The following CHRNA2 variants were observed in gnomAD, a reference collection of about 807,000 sequenced individuals.
CHRNA2 encodes neuronal acetylcholine receptor subunit alpha-2.
Under a neutral mutation model 45.5 loss-of-function variants are expected in CHRNA2, and 40 were observed. That is an observed-to-expected ratio of 0.88 (90% CI 0.68 to 1.15). The LOEUF (loss-of-function observed/expected upper bound fraction) is 1.15. Among genes scored for constraint, CHRNA2 ranks in the 50% most tolerant of loss-of-function variants. CHRNA2 has a pLI of 0.00. For synonymous variants in CHRNA2, 301 were observed against 296.7 expected (o/e 1.01, Z -0.15); for missense variants, 655 against 701.7 (o/e 0.93, Z 0.75).
rs906377558 is a variant in CHRNA2, at chr8:27,471,241, T to C, written c.-136-47A>G. 8 of 609,684 alleles carry C rather than the reference T, an allele frequency of 1.3e-5. No homozygotes were observed. The South Asian group carries it at 1.5e-4, about 11-fold the overall frequency. 37.8% of individuals were successfully genotyped at this position (609,684 alleles called of 1,614,324 possible). Reference sequence around the variant, plus strand: ...CTCTTAGGGTCATGCATCCTTGACATAGGCATATTTCTGTTTCTCATGCTC... The same window carrying C: ...CTCTTAGGGTCATGCATCCTTGACACAGGCATATTTCTGTTTCTCATGCTC... On this transcript the variant is annotated intron_variant, in intron 1 of 6. Transcript: ENST00000407991.
chr8:27,472,638 C>T (rs938873001), intron 1 of CHRNA2, among the ~76,000 whole-genome samples: 1 of 152,148 alleles, frequency 6.6e-6, no homozygotes, highest in Non-Finnish European at 1.5e-5. Flanking sequence ...TTAGTGGTTG[C>T]AGGGGCAGCG....
In CHRNA2 at chr8:27,463,230, C is replaced by T. The variant is rs1563317497; in HGVS notation, c.1213G>A (p.Glu405Lys). The T allele has an allele frequency of 1.3e-6, 2 of 1,592,534 alleles. No homozygotes were observed. Among genetic ancestry groups the T allele is most frequent in the Middle Eastern group, 1.7e-4 (1 of 5,958 alleles). ...CTCTCCTCGGCATCCACGTTGCTCT[C>T]CAGCCAGTGATAAGAGGGGCTGAGC... Reference protein sequence around the residue: ...LKLSPSYHWLESNVDAEEREV... With the variant: ...LKLSPSYHWLKSNVDAEEREV... Residue 405 changes from glutamate (E) to lysine (K), a missense_variant, in exon 6 of 7, where the codon GAG becomes AAG. Glu to Lys is a moderately conservative substitution (Grantham distance 56). Around this residue, in one of 3 missense-constraint regions of CHRNA2, gnomAD observed 295 missense variants for 280.4 expected, o/e 1.05. Transcript: ENST00000407991. This position sits in a 1 kb window ranked among gnomAD's most constrained non-coding sequence, Gnocchi z 6.1.
At chr8:27,473,168 G>A (rs1478431196) in intron 1 of CHRNA2, among the ~76,000 whole-genome samples, 1 of 152,012 alleles carries the variant, frequency 6.6e-6, no homozygotes, top group African/African-American at 2.4e-5. Flanking sequence ...GGAGAGAAGA[G>A]CATGGCCTCA....
At chr8:27,470,142 C>G (rs1586399852) in intron 2 of CHRNA2, 161 bp from the exon 3 acceptor site, 4 of 737,880 alleles carry the variant, frequency 5.4e-6, no homozygotes, top group Non-Finnish European at 7.0e-6. Flanking sequence ...GGGGTCGGAG[C>G]TCAGGAAAGG....
intron 1 of CHRNA2, among the ~76,000 whole-genome samples, chr8:27,473,256 T>G (rs1812946570): frequency 6.6e-6 from 1 of 152,152 alleles, no homozygotes; most frequent in African/African-American, 2.4e-5. Flanking sequence ...CAGGATTTCC[T>G]TTGGAAGGGT....
chr8:27,469,054 A>G (rs1329548719), intron 4 of CHRNA2, among the ~76,000 whole-genome samples: 1 of 152,184 alleles, frequency 6.6e-6, no homozygotes, highest in African/African-American at 2.4e-5. Flanking sequence ...AGGATTCCGA[A>G]GTAGCAGGGA....
chr8:27,466,629 G>A (rs1431592425), intron 5 of CHRNA2, among the ~76,000 whole-genome samples: 1 of 152,164 alleles, frequency 6.6e-6, no homozygotes, highest in Non-Finnish European at 1.5e-5. Flanking sequence ...GGGAAGAATT[G>A]TCTGATACCA....
intron 6 of CHRNA2, among the ~76,000 whole-genome samples, chr8:27,462,058 C>T (rs914333631): frequency 8.5e-5 from 13 of 152,178 alleles, no homozygotes; most frequent in Admixed American, 5.2e-4. Context: ...GGAGGCGGCA[C>T]GACCACCCAG....
chr8:27,469,476 G>C, intron 3 of CHRNA2, 97 bp from the exon 4 acceptor site: 1 of 1,323,466 alleles, frequency 7.6e-7, no homozygotes, highest in Non-Finnish European at 1.1e-6. Context: ...CCTCTGATAG[G>C]ACACCCCAAG....
chr8:27,467,102 A>C, intron 5 of CHRNA2, 127 bp downstream of exon 5: 1 of 718,236 alleles, frequency 1.4e-6, no homozygotes, highest in South Asian at 1.5e-5. Context: ...TAGGGGAGGC[A>C]TGCTCAGCAC....
chr8:27,472,508 C>T (rs549726146), intron 1 of CHRNA2, among the ~76,000 whole-genome samples: 18 of 152,250 alleles, frequency 1.2e-4, no homozygotes, highest in African/African-American at 3.1e-4. Context: ...AGAAGTCTTC[C>T]GTGTTGATTG....
chr8:27,469,699 G>A (rs1466121011), intron 3 of CHRNA2, 62 bp downstream of exon 3: 25 of 1,589,000 alleles, frequency 1.6e-5, no homozygotes, highest in Non-Finnish European at 1.9e-5. Context: ...AAGGAGCAGG[G>A]GGAAAGCGGT....
At chr8:27,471,431 G>T (rs1812880085) in intron 1 of CHRNA2, among the ~76,000 whole-genome samples, 1 of 152,194 alleles carries the variant, frequency 6.6e-6, no homozygotes, top group South Asian at 2.1e-4. Flanking sequence ...GCAAAGGAGG[G>T]CACAGGATGG....
chr8:27,474,859 C>T (rs763865841), intron 1 of CHRNA2, among the ~76,000 whole-genome samples: 3 of 152,262 alleles, frequency 2.0e-5, no homozygotes, highest in Non-Finnish European at 2.9e-5. Context: ...ACCGCAGTGG[C>T]AAGGTCTGGG....
At chr8:27,471,752 T>C (rs981852517) in intron 1 of CHRNA2, among the ~76,000 whole-genome samples, 11 of 152,242 alleles carry the variant, frequency 7.2e-5, no homozygotes, top group African/African-American at 1.9e-4. Flanking sequence ...GAAGGTGATA[T>C]TGTAAAAAAT....
At chr8:27,472,038 C>T (rs539430588) in intron 1 of CHRNA2, among the ~76,000 whole-genome samples, 123 of 152,292 alleles carry the variant, frequency 8.1e-4, no homozygotes, top group Middle Eastern at 3.4e-3. Context: ...CATAAAACCC[C>T]GAAAGGACAG....
Position 27,469,258 on chromosome 8 carries a change from C to T in CHRNA2, c.339+77G>A, listed in dbSNP as rs968216005. The T allele has an allele frequency of 7.9e-6, 11 of 1,389,156 alleles. No individual in the cohort carries two copies. In the Admixed American group the frequency reaches 1.4e-4, roughly 17 times the overall value. 86.1% of individuals were successfully genotyped at this position (1,389,156 alleles called of 1,614,324 possible). ...TTGCTGTTCCTTGGTCTTTCACTAG[C>T]GAAGAAGTCCTGGAGGGGTCTGGGG... On this transcript the variant is annotated intron_variant, in intron 4 of 6. Transcript: ENST00000407991.
rs1005141006 is a variant in CHRNA2 at position 27,471,117 on chromosome 8, C to T, written c.-59G>A. The T allele has an allele frequency of 2.4e-5, 36 of 1,482,750 alleles. No homozygotes were observed. The highest frequency in any genetic ancestry group is 1.4e-4 in the South Asian group (12 of 87,782). The allele number at this position is 1,482,750 out of a possible 1,614,324, so 91.8% of individuals were successfully genotyped here. ...GCTTTGCTGTGGGTTGCACCATGGA[C>T]CATGTCCCCAGCAGAGCTGCTGCTG... On this transcript the variant is annotated 5_prime_UTR_variant, in exon 2 of 7. Coordinates refer to ENST00000407991, the MANE Select transcript of CHRNA2 (RefSeq NM_000742.4).
rs776191995 is a variant in CHRNA2 at position 27,469,963 on chromosome 8, C to T, written c.92G>A (p.Arg31His). Reference protein sequence around the residue: ...LTPAGGEEAKRPPPRAPGDPL... With the variant: ...LTPAGGEEAKHPPPRAPGDPL... ...GTCTCCAGGAGCCCTGGGAGGTGGG[C>T]GCTTAGCTTCCTCTCCACCTGCCAT... The change falls in exon 3 of 7, where the codon CGC becomes CAC. Residue 31 changes from arginine (R) to histidine (H), a missense_variant. Coordinates refer to ENST00000407991, the MANE Select transcript of CHRNA2 (RefSeq NM_000742.4). 6.8e-6 allele frequency: 11 copies of T among 1,613,400 alleles called. No individual in the cohort carries two copies. Among genetic ancestry groups the T allele is most frequent in the South Asian group, 3.3e-5 (3 of 91,066 alleles).
Sources: gnomAD v4.1 joint callset for allele counts (sites outside exome capture counted in the v4.1 genomes callset) on GRCh38, gnomAD v4.1.1 for gene constraint, gnomAD v4.1.1 regional missense constraint, Gnocchi (gnomAD v3.1) non-coding constraint, MANE v1.5 for transcripts, NCBI Gene and HGNC (gene_info 2026-07-23, HGNC 2026-07-21) for gene names.